KANSL1L: variants seen among roughly 807,000 people sequenced by gnomAD.
KANSL1L encodes the protein KAT8 regulatory NSL complex subunit 1-like protein.
In KANSL1L, 25 loss-of-function variants were observed where a neutral mutation model predicts 108.6. That is an observed-to-expected ratio of 0.23 (90% CI 0.17 to 0.32). The LOEUF (loss-of-function observed/expected upper bound fraction) is 0.32, where lower values mean the gene tolerates loss of function less well. KANSL1L is among the 10% of genes least tolerant of loss of function. KANSL1L has a pLI of 1.00. For missense variants in KANSL1L, 1,137 were observed against 1,125.7 expected, an observed-to-expected ratio of 1.01 and a Z score of -0.14; for synonymous variants, 405 against 395.1, an observed-to-expected ratio of 1.03 and a Z score of -0.30.
chr2:210,129,974 T>G (rs1447942468), intron 2 of KANSL1L, among the ~76,000 whole-genome samples: 1 of 131,886 alleles, frequency 7.6e-6, no homozygotes, highest in Non-Finnish European at 1.6e-5. Flanking sequence ...GATATTTAAT[T>G]AGGAGATGCA....
intron 1 of KANSL1L, among the ~76,000 whole-genome samples, chr2:210,168,672 G>A (rs1322052147): frequency 6.6e-6 from 1 of 152,042 alleles, no homozygotes; most frequent in Non-Finnish European, 1.5e-5. Flanking sequence ...GCAGCAGTTG[G>A]GCTATGAGAA....
rs190832604 is a variant in KANSL1L at position 210,145,698 on chromosome 2, G to C, written c.1088+7797C>G. 1.1e-4 allele frequency among the ~76,000 whole-genome samples: 16 copies of C among 152,348 alleles called. No individual in the cohort carries two copies. The East Asian group carries it at 3.1e-3, about 29-fold the overall frequency. On this transcript the variant is annotated intron_variant, in intron 2 of 14. Coordinates refer to ENST00000281772, the MANE Select transcript of KANSL1L (RefSeq NM_152519.4). ...GGTCTAGTATATTGTGAAGATGTCA[G>C]ATGTCAGATGTCTGAGGCACAGATG...
rs1355205 is a variant in KANSL1L, at chr2:210,170,442, T to C, written c.-30+707A>G. On this transcript the variant is annotated intron_variant, in intron 1 of 14. Coordinates refer to ENST00000281772, the MANE Select transcript of KANSL1L (RefSeq NM_152519.4). ...CCCTCCCGACTGCAAAGCCAGCCTC[T>C]TTCCTTTCCTGTGGTTTCTGAAACG... The C allele has an allele frequency of 7.9e-4, 753 of 953,570 alleles. 6 individuals are homozygous for C. The African/African-American group carries it at 0.012, about 16-fold the overall frequency. 59.1% of individuals were successfully genotyped at this position (953,570 alleles called of 1,614,324 possible).
At chr2:210,163,296 GA>G (rs2095371050) in intron 1 of KANSL1L, among the ~76,000 whole-genome samples, 1 of 152,186 alleles carries the variant, frequency 6.6e-6, no homozygotes, top group South Asian at 2.1e-4. Flanking sequence ...GGTAATGTAA[GA>G]AGAGAGATGG....
intron 6 of KANSL1L, among the ~76,000 whole-genome samples, chr2:210,058,203 G>A (rs1472197983): frequency 6.6e-6 from 1 of 152,164 alleles, no homozygotes; most frequent in Non-Finnish European, 1.5e-5. Flanking sequence ...GCTTCAGGGG[G>A]CGGCTGACTT....
chr2:210,079,644 A>ATATATATGTGTGTG (rs1553653225), intron 5 of KANSL1L, among the ~76,000 whole-genome samples: 2 of 8,978 alleles, frequency 2.2e-4, no homozygotes, highest in Non-Finnish European at 6.7e-4. Flanking sequence ...ATATATATAT[A>ATATATATGTGTGTG]TATATATATA....
chr2:210,062,090 C>T (rs1040518838), intron 6 of KANSL1L, among the ~76,000 whole-genome samples: 3 of 152,124 alleles, frequency 2.0e-5, no homozygotes, highest in African/African-American at 7.2e-5. Context: ...TGTCCCCACC[C>T]AAATCTCATC....
chr2:210,030,499 C>CTTTTTTTTTTTTTTTTTTT (rs34540957), intron 9 of KANSL1L, among the ~76,000 whole-genome samples: 1 of 118,176 alleles, frequency 8.5e-6, no homozygotes, highest in Non-Finnish European at 1.7e-5. Flanking sequence ...CTTCCAAGTT[C>CTTTTTTTTTTTTTTTTTTT]TTTTTTTTTT....
chr2:210,161,815 T>C (rs886929517), intron 1 of KANSL1L, among the ~76,000 whole-genome samples: 1 of 152,012 alleles, frequency 6.6e-6, no homozygotes, highest in Non-Finnish European at 1.5e-5. Flanking sequence ...ATACAGATAG[T>C]AAACAATTTG....
At position 210,028,951 on chromosome 2, in the gene KANSL1L, A is replaced by G; in HGVS notation, c.2290T>C (p.Leu764=). The G allele has an allele frequency of 6.2e-7, 1 of 1,611,394 alleles. No individual in the cohort carries two copies. Among genetic ancestry groups the G allele is most frequent in the Non-Finnish European group, 8.5e-7 (1 of 1,178,304 alleles). ...ATGTCATAAGAGCTCTCACTTCTCAATCTCCGTCGTGCAGTATTCTGCAAA... is the reference window on the plus strand; with the variant it reads ...ATGTCATAAGAGCTCTCACTTCTCAGTCTCCGTCGTGCAGTATTCTGCAAA... ...NSSRNTARRR[L]RSESSYDIDN... Residue 764 remains leucine, a synonymous_variant, in exon 11 of 15, where the codon TTG becomes CTG. Coordinates refer to ENST00000281772, the MANE Select transcript of KANSL1L (RefSeq NM_152519.4).
intron 6 of KANSL1L, among the ~76,000 whole-genome samples, chr2:210,058,366 T>C (rs2094379691): frequency 6.6e-6 from 1 of 152,144 alleles, no homozygotes; most frequent in Non-Finnish European, 1.5e-5. Flanking sequence ...TCAATGACAA[T>C]GCGTGCCCGA....
chr2:210,026,178 AAAG>A (rs1402573684), intron 12 of KANSL1L, among the ~76,000 whole-genome samples: 2 of 152,198 alleles, frequency 1.3e-5, no homozygotes, highest in East Asian at 3.8e-4. Flanking sequence ...TTAGAAGAGG[AAAG>A]GGCATTAGAA....
intron 3 of KANSL1L, among the ~76,000 whole-genome samples, chr2:210,107,402 TAG>T: frequency 6.6e-6 from 1 of 151,706 alleles, no homozygotes; most frequent in East Asian, 1.9e-4. Context: ...GTTGTCTTAT[TAG>T]AAAGTTTGAA....
intron 5 of KANSL1L, among the ~76,000 whole-genome samples, chr2:210,081,330 T>C (rs1003741846): frequency 6.6e-6 from 1 of 152,210 alleles, no homozygotes; most frequent in Non-Finnish European, 1.5e-5. Flanking sequence ...ATGTTATTTT[T>C]GCTTCCTAGA....
intron 8 of KANSL1L, chr2:210,032,149 T>G (rs1427478612): frequency 6.6e-6 from 1 of 152,242 alleles, no homozygotes; most frequent in East Asian, 1.9e-4. Flanking sequence ...CAAATTGGCT[T>G]CTTTTTTTGA....
intron 6 of KANSL1L, among the ~76,000 whole-genome samples, chr2:210,057,216 A>G (rs1027288943): frequency 6.6e-6 from 1 of 152,202 alleles, no homozygotes; most frequent in Non-Finnish European, 1.5e-5. Context: ...AGCCTGGCCA[A>G]CATGGTGAAA....
chr2:210,025,203 GA>G lies in KANSL1L; in HGVS notation c.2464del (p.Ser822LeufsTer7). The G allele has an allele frequency of 6.4e-7, 1 of 1,567,214 alleles. No homozygotes were observed. The highest frequency in any genetic ancestry group is 8.8e-7 in the Non-Finnish European group (1 of 1,137,254). On this transcript the variant is annotated frameshift_variant, in exon 13 of 15. Transcript: ENST00000281772. LOFTEE classifies it high-confidence loss of function. Reference sequence around the variant, plus strand: ...GTGCCTTAGGGAGAAGACTTCATCAGAAAGATCTTCTATCTGGAATTAGAAA... The same window carrying G: ...GTGCCTTAGGGAGAAGACTTCATCAGAAGATCTTCTATCTGGAATTAGAAA... Reference protein sequence around the residue: ...NLGKEEIEDLSDEVFSLRHKK... With the variant: ...NLGKEEIEDLXDEVFSLRHKK...
chr2:210,040,570 T>C, intron 7 of KANSL1L, 43 bp from the exon 8 acceptor site: 1 of 831,662 alleles, frequency 1.2e-6, no homozygotes, highest in Non-Finnish European at 1.9e-6. Context: ...ATACCACTCT[T>C]TGTAATACTA....
chr2:210,116,575 G>C (rs1157533294), intron 3 of KANSL1L, among the ~76,000 whole-genome samples: 1 of 152,106 alleles, frequency 6.6e-6, no homozygotes, highest in Non-Finnish European at 1.5e-5. Context: ...GGGAAAGTAA[G>C]GGAAGAGAAC....
Sources: gnomAD v4.1 joint callset for allele counts (sites outside exome capture counted in the v4.1 genomes callset) on GRCh38, gnomAD v4.1.1 for gene constraint, MANE v1.5 for transcripts, NCBI Gene and HGNC (gene_info 2026-07-23, HGNC 2026-07-21) for gene names.